Variants in HELZ observed in about 807,000 individuals in gnomAD.
The protein encoded by HELZ is helicase with zinc finger.
A neutral mutation model predicts 218.2 loss-of-function variants in HELZ; 23 were observed. The ratio of observed to expected loss-of-function variants is 0.11; its 90% CI spans 0.08 to 0.15. The LOEUF (loss-of-function observed/expected upper bound fraction) is 0.15, where lower values mean the gene tolerates loss of function less well. HELZ is among the 10% of genes least tolerant of loss of function. HELZ has a pLI of 1.00. For missense variants in HELZ, 1,813 were observed against 2,353.7 expected, an observed-to-expected ratio of 0.77 and a Z score of 4.75; for synonymous variants, 814 against 829.4, an observed-to-expected ratio of 0.98 and a Z score of 0.32.
At chr17:67,089,694 G>GAGAGAGAGAGACAGAGAGAC (rs776184027) in intron 31 of HELZ, among the ~76,000 whole-genome samples, 36 of 100,726 alleles carry the variant, frequency 3.6e-4, no homozygotes, top group African/African-American at 8.6e-4. Flanking sequence ...GAGAGAGAGA[G>GAGAGAGAGAGACAGAGAGAC]AGAGAGACAG....
At position 67,188,620 on chromosome 17, in the gene HELZ, C is replaced by T; in HGVS notation, c.865-4G>A. 2 of 1,608,222 alleles carry T rather than the reference C, an allele frequency of 1.2e-6. No individual in the cohort carries two copies. The highest frequency in any genetic ancestry group is 1.7e-6 in the Non-Finnish European group (2 of 1,175,854). On this transcript the variant is annotated splice_region_variant and splice_polypyrimidine_tract_variant and intron_variant, in intron 11 of 32. Coordinates refer to ENST00000358691, the MANE Select transcript of HELZ (RefSeq NM_014877.4). The surrounding 1 kb of genome is among the most constrained non-coding windows in gnomAD (Gnocchi z 4.1). ...CACGATACAGCATTCTTGCAGGCTACAAGGAAGTTAAAATAATTCATTGAG... is the reference window on the plus strand; with the variant it reads ...CACGATACAGCATTCTTGCAGGCTATAAGGAAGTTAAAATAATTCATTGAG...
chr17:67,147,889 G>A (rs1281453695), intron 20 of HELZ, among the ~76,000 whole-genome samples: 2 of 152,216 alleles, frequency 1.3e-5, no homozygotes, highest in Non-Finnish European at 2.9e-5. Flanking sequence ...TGGAGGTTCT[G>A]GATGGTGGCG....
At chr17:67,102,767 C>T (rs995435838) in intron 31 of HELZ, among the ~76,000 whole-genome samples, 27 of 152,152 alleles carry the variant, frequency 1.8e-4, no homozygotes, top group African/African-American at 6.5e-4. Context: ...ATAAATTTTT[C>T]AGTGTTGTCA....
intron 31 of HELZ, among the ~76,000 whole-genome samples, chr17:67,093,480 A>T (rs1419785699): frequency 6.6e-6 from 1 of 152,244 alleles, no homozygotes; most frequent in Admixed American, 6.5e-5. Context: ...CAGTTGAAGG[A>T]TATGAGTCCT....
At chr17:67,137,784 C>T (rs1349591631) in intron 22 of HELZ, 147 bp downstream of exon 22, 1 of 585,810 alleles carries the variant, frequency 1.7e-6, no homozygotes, top group Non-Finnish European at 2.9e-6. Flanking sequence ...TGAATTCAAC[C>T]TTTAATTGCC....
intron 31 of HELZ, among the ~76,000 whole-genome samples, chr17:67,101,111 GAAAAA>G (rs34193245): frequency 3.3e-5 from 2 of 59,986 alleles, no homozygotes; most frequent in Non-Finnish European, 7.9e-5. Context: ...CTCCGTCTCA[GAAAAA>G]AAAAAAAAAA....
At chr17:67,163,527 T>C (rs1331952780) in intron 15 of HELZ, among the ~76,000 whole-genome samples, 1 of 152,000 alleles carries the variant, frequency 6.6e-6, no homozygotes, top group Non-Finnish European at 1.5e-5. Context: ...GCCTCCCGAG[T>C]AGCTGGGACT....
chr17:67,162,141 C>T (rs1158300855), intron 15 of HELZ, among the ~76,000 whole-genome samples: 1 of 152,086 alleles, frequency 6.6e-6, no homozygotes, highest in Non-Finnish European at 1.5e-5. Flanking sequence ...CCTGGCCAGG[C>T]ATGGTGGCTC....
At chr17:67,197,558 T>C (rs761847237) in intron 7 of HELZ, among the ~76,000 whole-genome samples, 6 of 152,230 alleles carry the variant, frequency 3.9e-5, no homozygotes, top group Non-Finnish European at 7.3e-5. Context: ...CATCTCTGAC[T>C]GACCTGCCAG....
At chr17:67,085,065 C>G (rs1411705990) in intron 32 of HELZ, among the ~76,000 whole-genome samples, 4 of 151,636 alleles carry the variant, frequency 2.6e-5, no homozygotes, top group Non-Finnish European at 2.9e-5. Flanking sequence ...TGAGAATGCA[C>G]CACTACACTC....
intron 24 of HELZ, among the ~76,000 whole-genome samples, chr17:67,127,103 G>A (rs1042846718): frequency 1.3e-5 from 2 of 152,092 alleles, no homozygotes; most frequent in Non-Finnish European, 2.9e-5. Context: ...TCCAGTTTTT[G>A]ACATGTTTCC....
At chr17:67,163,575 T>TG (rs2039052933) in intron 15 of HELZ, among the ~76,000 whole-genome samples, 1 of 151,978 alleles carries the variant, frequency 6.6e-6, no homozygotes, top group Admixed American at 6.5e-5. Context: ...ATTTTTTTTT[T>TG]GTATTTTTAG....
intron 17 of HELZ, among the ~76,000 whole-genome samples, chr17:67,154,690 T>C (rs2038786119): frequency 6.6e-6 from 1 of 152,218 alleles, no homozygotes; most frequent in African/African-American, 2.4e-5. Context: ...CGAACCAAAA[T>C]TGAGTTCATT....
chr17:67,102,567 G>A (rs1308421963), intron 31 of HELZ, among the ~76,000 whole-genome samples: 1 of 152,138 alleles, frequency 6.6e-6, no homozygotes, highest in African/African-American at 2.4e-5. Flanking sequence ...CATAGTGGGA[G>A]GGAAAAGCCT....
chr17:67,223,076 T>C (rs1484408822), intron 3 of HELZ, among the ~76,000 whole-genome samples: 3 of 131,726 alleles, frequency 2.3e-5, no homozygotes, highest in African/African-American at 5.9e-5. Context: ...TGAAACCCCA[T>C]CTCTACTAAA....
chr17:67,088,316 C>T (rs999068814), intron 31 of HELZ, among the ~76,000 whole-genome samples: 18 of 152,220 alleles, frequency 1.2e-4, no homozygotes, highest in African/African-American at 4.3e-4. Flanking sequence ...ACTTTCACCA[C>T]TGTTGTTAGC....
chr17:67,211,598 C>T (rs981991576), intron 5 of HELZ, among the ~76,000 whole-genome samples: 3 of 152,134 alleles, frequency 2.0e-5, no homozygotes, highest in Admixed American at 6.6e-5. Flanking sequence ...CGGTGGTTCA[C>T]GCCTATAATC....
rs1290502779 is a variant in HELZ at position 67,078,139 on chromosome 17, A to G, written c.*113T>C. On this transcript the variant is annotated 3_prime_UTR_variant, in exon 33 of 33. Transcript: ENST00000358691. ...CAGCAAAGCAATTAAGTGAGAACAT[A>G]TTTAATATTAAAACAAAGGGAACTG... 2 of 698,406 alleles carry G rather than the reference A, an allele frequency of 2.9e-6. No homozygotes were observed. The highest frequency in any genetic ancestry group is 4.8e-6 in the Non-Finnish European group (2 of 418,536). 43.3% of individuals were successfully genotyped at this position (698,406 alleles called of 1,614,324 possible). A position where few individuals can be genotyped will look rare whatever the true frequency, so the allele number is the denominator to read the frequency against.
chr17:67,106,604 G>A (rs1428199106), intron 31 of HELZ, among the ~76,000 whole-genome samples: 1 of 152,184 alleles, frequency 6.6e-6, no homozygotes, highest in African/African-American at 2.4e-5. Flanking sequence ...ACTGCACCCG[G>A]CAGAAATATC....
Sources: gnomAD v4.1 joint callset for allele counts (sites outside exome capture counted in the v4.1 genomes callset) on GRCh38, gnomAD v4.1.1 for gene constraint, Gnocchi (gnomAD v3.1) non-coding constraint, MANE v1.5 for transcripts, NCBI Gene and HGNC (gene_info 2026-07-23, HGNC 2026-07-21) for gene names.